The following SYNPR variants were observed in gnomAD, a reference collection of about 807,000 sequenced individuals.
The protein encoded by SYNPR is synaptoporin.
In SYNPR, 23 loss-of-function variants were observed where a neutral mutation model predicts 32.9. That is an observed-to-expected ratio of 0.70 (90% CI 0.50 to 0.99). SYNPR has a LOEUF of 0.99. Ranked by LOEUF, SYNPR falls within the 50% of genes least tolerant of loss-of-function variation. SYNPR has a pLI of 0.00. For missense variants in SYNPR, 318 were observed against 349.3 expected (o/e 0.91, Z 0.71); for synonymous variants, 146 against 135.9 (o/e 1.07, Z -0.52).
the SYNPR span, among the ~76,000 whole-genome samples, chr3:63,208,211 G>A: frequency 1.3e-5 from 2 of 152,084 alleles, no homozygotes; most frequent in Non-Finnish European, 2.9e-5. Flanking sequence ...TTAGAGTGAT[G>A]CCCTTCTTTG....
intron 1 of SYNPR, among the ~76,000 whole-genome samples, chr3:63,230,695 A>G (rs1423388090): frequency 1.3e-5 from 2 of 152,176 alleles, no homozygotes; most frequent in Non-Finnish European, 2.9e-5. Context: ...AATATTAACT[A>G]ATGACCTCAC....
chr3:63,460,572 CAAAAAAAAAAA>C (rs11390803), intron 2 of SYNPR, among the ~76,000 whole-genome samples: 1 of 45,708 alleles, frequency 2.2e-5, no homozygotes, highest in South Asian at 1.1e-3. Flanking sequence ...ATTGGTAGAC[CAAAAAAAAAAA>C]AAAAAAAAAA....
chr3:63,459,140 T>G (rs1700537184), intron 2 of SYNPR, among the ~76,000 whole-genome samples: 2 of 152,052 alleles, frequency 1.3e-5, no homozygotes, highest in African/African-American at 4.8e-5. Context: ...TAATTCACTA[T>G]GACAAATTCA....
At chr3:63,277,672 TCTCTC>T (rs2086589619), upstream of SYNPR, among the ~76,000 whole-genome samples, 1 of 152,170 alleles carries the variant, frequency 6.6e-6, no homozygotes, top group African/African-American at 2.4e-5. Flanking sequence ...TTCCACCTCT[TCTCTC>T]CAGGCAGTTT....
rs146209253 is a variant in SYNPR, at chr3:63,411,113, T to A, written c.85-69719T>A. On this transcript the variant is annotated intron_variant, in intron 2 of 5. Transcript: ENST00000478300. ...TTCTTTAAGTAAAAACCTGATCCGATGCAATGTGGAAACTGAATCAGAAAA... is the reference window on the plus strand; with the variant it reads ...TTCTTTAAGTAAAAACCTGATCCGAAGCAATGTGGAAACTGAATCAGAAAA... 2.1e-3 allele frequency among the ~76,000 whole-genome samples: 324 copies of A among 152,236 alleles called. 1 individual carries two copies. The highest frequency in any genetic ancestry group is 4.0e-3 in the Non-Finnish European group (269 of 68,012).
At chr3:63,372,477 C>A (rs557387751) in intron 2 of SYNPR, among the ~76,000 whole-genome samples, 1 of 152,248 alleles carries the variant, frequency 6.6e-6, no homozygotes, top group Non-Finnish European at 1.5e-5. Flanking sequence ...GTGCTTTAAC[C>A]ATGACTCCAG....
intron 3 of SYNPR, among the ~76,000 whole-genome samples, chr3:63,529,971 T>A (rs561509723): frequency 6.6e-6 from 1 of 152,278 alleles, no homozygotes; most frequent in East Asian, 1.9e-4. Context: ...CACTCTGGCA[T>A]GGTGCATTGC....
chr3:63,301,172 G>A (rs780361192), intron 2 of SYNPR, among the ~76,000 whole-genome samples: 3 of 151,954 alleles, frequency 2.0e-5, no homozygotes, highest in Admixed American at 6.6e-5. Flanking sequence ...TTCATCATCT[G>A]TTACTTATCT....
In SYNPR at chr3:63,615,349, T is replaced by C; in HGVS notation, c.726T>C (p.Tyr242=). The C allele has an allele frequency of 6.2e-7, 1 of 1,613,876 alleles. No individual in the cohort carries two copies. Among genetic ancestry groups the C allele is most frequent in the Non-Finnish European group, 8.5e-7 (1 of 1,179,880 alleles). The change falls in exon 6 of 6, where the codon TAT becomes TAC. Residue 242 remains tyrosine, a synonymous_variant. Coordinates refer to ENST00000478300, the MANE Select transcript of SYNPR (RefSeq NM_001130003.2). ...CAATGGAGAAGCACTCCAGCAGCTATAATCAAGGTGGTTACAACCAAGACA... is the reference window on the plus strand; with the variant it reads ...CAATGGAGAAGCACTCCAGCAGCTACAATCAAGGTGGTTACAACCAAGACA... ...SDPMEKHSSS[Y]NQGGYNQDSY...
At chr3:63,486,169 A>T (rs1032593569) in intron 3 of SYNPR, among the ~76,000 whole-genome samples, 1 of 152,138 alleles carries the variant, frequency 6.6e-6, no homozygotes, top group East Asian at 1.9e-4. Context: ...TTGGCCCCCA[A>T]AAGTGCTGGA....
chr3:63,367,000 A>G (rs1026654294), intron 2 of SYNPR, among the ~76,000 whole-genome samples: 1 of 152,222 alleles, frequency 6.6e-6, no homozygotes, highest in African/African-American at 2.4e-5. Flanking sequence ...CAACCCTGTG[A>G]GCTATGCACA....
intron 2 of SYNPR, among the ~76,000 whole-genome samples, chr3:63,399,256 C>T (rs1575624673): frequency 6.6e-6 from 1 of 152,258 alleles, no homozygotes; most frequent in Admixed American, 6.5e-5. Context: ...CTTCTGGCTG[C>T]TACAACAAAA....
chr3:63,610,145 C>T (rs890326840), intron 5 of SYNPR, among the ~76,000 whole-genome samples: 5 of 152,112 alleles, frequency 3.3e-5, no homozygotes, highest in Admixed American at 1.3e-4. Flanking sequence ...TCCATGCTTC[C>T]GGTTTAGTTA....
intron 2 of SYNPR, among the ~76,000 whole-genome samples, chr3:63,357,850 T>G (rs1030211564): frequency 3.9e-5 from 6 of 152,232 alleles, no homozygotes; most frequent in Non-Finnish European, 7.3e-5. Context: ...TCATTATGAC[T>G]GAATGTATTG....
intron 3 of SYNPR, among the ~76,000 whole-genome samples, chr3:63,527,782 A>G (rs1322676795): frequency 6.6e-6 from 1 of 152,042 alleles, no homozygotes; most frequent in Non-Finnish European, 1.5e-5. Context: ...GCCTTATGCT[A>G]TTTTTCAATA....
upstream of SYNPR, among the ~76,000 whole-genome samples, chr3:63,276,273 A>G (rs1047764503): frequency 6.6e-6 from 1 of 152,198 alleles, no homozygotes; most frequent in Admixed American, 6.5e-5. Context: ...GCTGGGTCCA[A>G]AAGGGCAAGG....
chr3:63,557,296 T>A (rs1447578576), intron 4 of SYNPR, among the ~76,000 whole-genome samples: 1 of 152,186 alleles, frequency 6.6e-6, no homozygotes, highest in East Asian at 1.9e-4. Flanking sequence ...TAGGCATAGA[T>A]AATTTTAAGG....
At chr3:63,373,992 A>G (rs1481577177) in intron 2 of SYNPR, among the ~76,000 whole-genome samples, 1 of 152,192 alleles carries the variant, frequency 6.6e-6, no homozygotes, top group African/African-American at 2.4e-5. Context: ...AGCTTCATAA[A>G]TGAAGGAGGA....
chr3:63,494,458 T>TACAC (rs1227237808), intron 3 of SYNPR, among the ~76,000 whole-genome samples: 1,324 of 131,894 alleles, frequency 0.01, 47 homozygotes, highest in East Asian at 0.026. Flanking sequence ...CACATATATA[T>TACAC]ACATATATAC....
Sources: allele counts gnomAD v4.1 joint callset (sites outside exome capture counted in the v4.1 genomes callset), GRCh38; gene constraint gnomAD v4.1.1; transcripts MANE v1.5; gene names NCBI Gene and HGNC (gene_info 2026-07-23, HGNC 2026-07-21).